The following HGS variants were observed in gnomAD, a reference collection of about 807,000 sequenced individuals.
HGS encodes the protein human growth factor-regulated tyrosine kinase substrate.
Under a neutral mutation model 109.7 loss-of-function variants are expected in HGS, and 63 were observed. That is an observed-to-expected ratio of 0.57 (90% CI 0.47 to 0.71). The LOEUF (loss-of-function observed/expected upper bound fraction) is 0.71. Ranked by LOEUF, HGS falls within the 30% of genes least tolerant of loss-of-function variation. The probability of loss-of-function intolerance (pLI) is 0.00; values close to 1 mark genes in which losing one functional copy is unlikely to be tolerated. For missense variants in HGS, 995 were observed against 1,068.3 expected, an observed-to-expected ratio of 0.93 and a Z score of 0.96; for synonymous variants, 546 against 437.3, an observed-to-expected ratio of 1.25 and a Z score of -3.10.
rs143661731 is a variant in HGS at position 81,700,796 on chromosome 17, C to T, written c.2118C>T (p.Tyr706=). The change falls in exon 20 of 22, where the codon TAC becomes TAT. Residue 706 remains tyrosine, a synonymous_variant. Transcript: ENST00000329138. ...YMGSQSVSMG[Y]QPYNMQNLMT... is the part of the protein sequence containing the mutation. Reference sequence around the variant, plus strand: ...GGAGCCAGTCAGTCTCCATGGGCTACCAGCCTTACAACATGCAGGTACAGT... The same window carrying T: ...GGAGCCAGTCAGTCTCCATGGGCTATCAGCCTTACAACATGCAGGTACAGT... The T allele has an allele frequency of 1.3e-4, 202 of 1,612,402 alleles. No homozygotes were observed. In the African/African-American group the frequency reaches 2.5e-3, roughly 20 times the overall value.
In HGS at chr17:81,685,172, C is replaced by T. The variant is rs1359127856; in HGVS notation, c.38-433C>T. 1.6e-5 allele frequency: 10 copies of T among 613,894 alleles called. No homozygotes were observed. The South Asian group carries it at 2.2e-4, about 13-fold the overall frequency. 38.0% of individuals were successfully genotyped at this position (613,894 alleles called of 1,614,324 possible). Reference sequence around the variant, plus strand: ...GTCTACACTGCAGGCCTCTCTAGCCCTTGCCCAAGCTAAGGTCCCATTGAA... The same window carrying T: ...GTCTACACTGCAGGCCTCTCTAGCCTTTGCCCAAGCTAAGGTCCCATTGAA... On this transcript the variant is annotated intron_variant, in intron 1 of 21. Transcript: ENST00000329138.
chr17:81,688,939 G>C, intron 5 of HGS, 112 bp downstream of exon 5: 1 of 1,408,156 alleles, frequency 7.1e-7, no homozygotes. Flanking sequence ...CCTGTGTTGG[G>C]AGGGAGGAGG....
At position 81,690,515 on chromosome 17, in the gene HGS, C is replaced by A. The variant is rs190216931; in HGVS notation, c.469-159C>A. 1,007 of 685,032 alleles carry A rather than the reference C, an allele frequency of 1.5e-3. 3 individuals are homozygous for A. The highest frequency in any genetic ancestry group is 6.9e-3 in the Admixed American group (235 of 33,848). 42.4% of individuals were successfully genotyped at this position (685,032 alleles called of 1,614,324 possible). A position where few individuals can be genotyped will look rare whatever the true frequency, so the allele number is the denominator to read the frequency against. On this transcript the variant is annotated intron_variant, in intron 6 of 21. Transcript: ENST00000329138. ...CCTTCCTCAGGCCTCGGCAGCTTCA[C>A]CCCAGGCCACGCCGCTGGGAAGGGC...
chr17:81,690,373 G>GGGCGGA (rs1325480630), intron 6 of HGS, 139 bp downstream of exon 6: 2 of 890,558 alleles, frequency 2.2e-6, no homozygotes, highest in African/African-American at 3.3e-5. Context: ...TGTGTGTCCT[G>GGGCGGA]GGCGGAGGCG....
intron 18 of HGS, 100 bp from the exon 19 acceptor site, chr17:81,700,367 C>CAA (rs367982845): frequency 8.3e-3 from 7,846 of 948,372 alleles, no homozygotes; most frequent in South Asian, 0.01. Context: ...GACTCCATCT[C>CAA]AAAAAAAAAA....
In HGS at chr17:81,686,408, C is replaced by T. The variant is rs759959815; in HGVS notation, c.198+21C>T. ...TGGAGGTAAGCAGACCCCCGTGCCT[C>T]AGTGGCCCCCAGGGTCCCTACCCCC... is the stretch of plus-strand genomic sequence containing the variant. On this transcript the variant is annotated intron_variant, in intron 3 of 21. Transcript: ENST00000329138. 3.1e-6 allele frequency: 5 copies of T among 1,595,564 alleles called. No homozygotes were observed. In the African/African-American group the frequency reaches 4.0e-5, roughly 13 times the overall value.
intron 18 of HGS, chr17:81,697,461 C>A (rs2037171720): frequency 6.5e-6 from 1 of 154,368 alleles, no homozygotes; most frequent in African/African-American, 2.4e-5. Flanking sequence ...GTCCTCAGCT[C>A]AGGTTTGTCT....
intron 15 of HGS, 115 bp downstream of exon 15, chr17:81,696,114 CGT>C: frequency 1.0e-6 from 1 of 1,003,578 alleles, no homozygotes; most frequent in African/African-American, 1.6e-5. Context: ...TCATTGGGGC[CGT>C]GGCTTCCTCC....
At position 81,691,311 on chromosome 17, in the gene HGS, G is replaced by A; in HGVS notation, c.538-136G>A. The stretch of plus-strand genomic sequence containing the variant: ...TTCCCCGGCCTTAGGGTCTTCCCAG[G>A]CACTTGTTCTGCTTGTCCCTTGCCT... On this transcript the variant is annotated intron_variant, in intron 7 of 21. Coordinates refer to ENST00000329138, the MANE Select transcript of HGS (RefSeq NM_004712.5). The surrounding 1 kb of genome is among the most constrained non-coding windows in gnomAD (Gnocchi z 5.3). 4 of 1,062,156 alleles carry A rather than the reference G, an allele frequency of 3.8e-6. No individual in the cohort carries two copies. Among genetic ancestry groups the A allele is most frequent in the South Asian group, 1.4e-5 (1 of 70,952 alleles). 65.8% of individuals were successfully genotyped at this position (1,062,156 alleles called of 1,614,324 possible). A position where few individuals can be genotyped will look rare whatever the true frequency, so the allele number is the denominator to read the frequency against.
chr17:81,696,175 G>GCCCTGCCCTC, intron 15 of HGS, 176 bp downstream of exon 15: 4 of 847,204 alleles, frequency 4.7e-6, no homozygotes, highest in Non-Finnish European at 7.1e-6. Flanking sequence ...GCCCTGCCCT[G>GCCCTGCCCTC]CCCTGCCCTG....
At chr17:81,701,244 G>T (rs8067764) in intron 21 of HGS, 113 bp downstream of exon 21, 22 of 1,001,822 alleles carry the variant, frequency 2.2e-5, no homozygotes, top group Middle Eastern at 2.2e-4. Context: ...CTGCTCACAG[G>T]GGGAGACGCA....
At chr17:81,697,121 C>T in intron 18 of HGS, 123 bp downstream of exon 18, 1 of 1,085,690 alleles carries the variant, frequency 9.2e-7, no homozygotes, top group Non-Finnish European at 1.3e-6. Context: ...TGAATGTTGT[C>T]CCTGCTTTTT....
chr17:81,699,646 G>A (rs539441587), intron 18 of HGS, among the ~76,000 whole-genome samples: 5 of 152,062 alleles, frequency 3.3e-5, no homozygotes, highest in East Asian at 3.9e-4. Context: ...GCCTGGTCTC[G>A]AACTCCTGCC....
Position 81,685,524 on chromosome 17 carries a change from C to T in HGS, c.38-81C>T, listed in dbSNP as rs565349440. ...GTCTAAAGGGGAAGGAGAGAGTCCC[C>T]CCCAGCTGCTGCCAAGCTGGGGTGC... On this transcript the variant is annotated intron_variant, in intron 1 of 21. Coordinates refer to ENST00000329138, the MANE Select transcript of HGS (RefSeq NM_004712.5). 51 of 867,756 alleles carry T rather than the reference C, an allele frequency of 5.9e-5. No individual in the cohort carries two copies. The African/African-American group carries it at 7.4e-4, about 13-fold the overall frequency. 53.8% of individuals were successfully genotyped at this position (867,756 alleles called of 1,614,324 possible).
rs1402464733 is a variant in HGS at position 81,700,606 on chromosome 17, C to T, written c.2016+6C>T. The T allele has an allele frequency of 6.3e-7, 1 of 1,599,546 alleles. No homozygotes were observed. The highest frequency in any genetic ancestry group is 1.7e-5 in the Admixed American group (1 of 58,900). On this transcript the variant is annotated splice_donor_region_variant and intron_variant, in intron 19 of 21. Transcript: ENST00000329138. ...CTCCCACAGCGGGCTACCAGGTACACAGGAAGGCCGCTCCTCTCCTTCCAG... is the reference window on the plus strand; with the variant it reads ...CTCCCACAGCGGGCTACCAGGTACATAGGAAGGCCGCTCCTCTCCTTCCAG...
intron 2 of HGS, 36 bp downstream of exon 2, chr17:81,685,725 G>C: frequency 1.3e-6 from 2 of 1,557,406 alleles, no homozygotes; most frequent in Non-Finnish European, 1.8e-6. Context: ...ATGCGGAGGA[G>C]CAGCCGTGCA....
In HGS at chr17:81,684,038, G is replaced by T. The variant is rs753903291; in HGVS notation, c.-29G>T. The T allele has an allele frequency of 1.1e-5, 18 of 1,583,822 alleles. No homozygotes were observed. The Admixed American group carries it at 3.1e-4, about 27-fold the overall frequency. The stretch of plus-strand genomic sequence containing the variant: ...GCCAGCTCGTAGCAGGGGAGCGCCC[G>T]CGGCGTCGGGTTTGGGCTGGAGGTC... On this transcript the variant is annotated 5_prime_UTR_variant, in exon 1 of 22. Coordinates refer to ENST00000329138, the MANE Select transcript of HGS (RefSeq NM_004712.5).
intron 1 of HGS, 80 bp from the exon 2 acceptor site, chr17:81,685,525 C>T: frequency 1.1e-6 from 1 of 885,914 alleles, no homozygotes; most frequent in South Asian, 1.6e-5. Flanking sequence ...GAGAGTCCCC[C>T]CCAGCTGCTG....
chr17:81,700,604 C>A lies in HGS; in HGVS notation c.2016+4C>A, dbSNP rs2037221001. 3 of 1,600,046 alleles carry A rather than the reference C, an allele frequency of 1.9e-6. No individual in the cohort carries two copies. Among genetic ancestry groups the A allele is most frequent in the African/African-American group, 2.7e-5 (2 of 74,850 alleles). On this transcript the variant is annotated splice_donor_region_variant and intron_variant, in intron 19 of 21. Transcript: ENST00000329138. ...TACTCCCACAGCGGGCTACCAGGTACACAGGAAGGCCGCTCCTCTCCTTCC... is the reference window on the plus strand; with the variant it reads ...TACTCCCACAGCGGGCTACCAGGTAAACAGGAAGGCCGCTCCTCTCCTTCC...
Sources: allele counts gnomAD v4.1 joint callset (sites outside exome capture counted in the v4.1 genomes callset), GRCh38; gene constraint gnomAD v4.1.1; non-coding constraint Gnocchi (gnomAD v3.1); transcripts MANE v1.5; gene names NCBI Gene and HGNC (gene_info 2026-07-23, HGNC 2026-07-21).